Variants in JMY observed in about 807,000 individuals in gnomAD.
JMY encodes junction-mediating and -regulatory protein.
JMY carries 46 observed loss-of-function variants against 103.3 expected under a neutral mutation model. The observed-to-expected ratio is 0.45, with a 90% CI of 0.35 to 0.57. The LOEUF is 0.57. JMY is among the 20% of genes least tolerant of loss of function. JMY has a pLI of 0.00. For synonymous variants in JMY, 526 were observed against 489.3 expected (o/e 1.07, Z -0.99); for missense variants, 1,238 against 1,255.2 (o/e 0.99, Z 0.21).
intron 2 of JMY, among the ~76,000 whole-genome samples, chr5:79,288,370 G>A (rs984289111): frequency 1.3e-5 from 2 of 151,874 alleles, no homozygotes; most frequent in Non-Finnish European, 2.9e-5. Context: ...TTATGTACCC[G>A]TCAAAATCCT....
chr5:79,245,458 T>C (rs969777312), intron 1 of JMY, among the ~76,000 whole-genome samples: 1 of 151,594 alleles, frequency 6.6e-6, no homozygotes, highest in Non-Finnish European at 1.5e-5. Flanking sequence ...TCGGGAAAAA[T>C]CTGTATTTTT....
chr5:79,242,141 C>G (rs1744759930), intron 1 of JMY, among the ~76,000 whole-genome samples: 1 of 152,166 alleles, frequency 6.6e-6, no homozygotes, highest in African/African-American at 2.4e-5. Context: ...TCTAACTTCT[C>G]TTCTGTTGAA....
chr5:79,246,927 A>G (rs1744923310), intron 1 of JMY, among the ~76,000 whole-genome samples: 2 of 152,154 alleles, frequency 1.3e-5, no homozygotes, highest in Non-Finnish European at 2.9e-5. Context: ...AGTGCCTGGC[A>G]TCTAGTAAAC....
intron 1 of JMY, among the ~76,000 whole-genome samples, chr5:79,276,548 C>T (rs1194813799): frequency 6.6e-6 from 1 of 152,192 alleles, no homozygotes; most frequent in Non-Finnish European, 1.5e-5. Context: ...GCCTCAGCCT[C>T]CCATAGCTGG....
At chr5:79,278,954 A>T (rs1467460974) in intron 2 of JMY, among the ~76,000 whole-genome samples, 1 of 152,146 alleles carries the variant, frequency 6.6e-6, no homozygotes, top group Non-Finnish European at 1.5e-5. Flanking sequence ...TTTGTTTTAG[A>T]AGAACTTGTT....
Position 79,322,331 on chromosome 5 carries a change from T to A in JMY, c.*729T>A, listed in dbSNP as rs1381741907. The A allele has an allele frequency of 6.6e-6, 1 of 152,236 alleles. No individual in the cohort carries two copies. The highest frequency in any genetic ancestry group is 2.4e-5 in the African/African-American group (1 of 41,462). The allele number at this position is 152,236 out of a possible 1,614,324, so 9.4% of individuals were successfully genotyped here. ...TCACTCTTCATATTTCTTGAATTTA[T>A]AATAGTTTGAATTTTATGTGCATCC... On this transcript the variant is annotated 3_prime_UTR_variant, in exon 11 of 11. Coordinates refer to ENST00000396137, the MANE Select transcript of JMY (RefSeq NM_152405.5).
intron 1 of JMY, among the ~76,000 whole-genome samples, chr5:79,243,891 G>A (rs1158832216): frequency 6.6e-6 from 1 of 152,140 alleles, no homozygotes; most frequent in East Asian, 1.9e-4. Context: ...CATGGAGACT[G>A]GTAGCAGGAT....
At chr5:79,240,076 C>T (rs1019990583) in intron 1 of JMY, among the ~76,000 whole-genome samples, 5 of 150,892 alleles carry the variant, frequency 3.3e-5, no homozygotes, top group Admixed American at 2.6e-4. Context: ...AGTGTAGTGG[C>T]GCGATCTTGG....
rs766524644 is a variant in JMY, at chr5:79,324,765, C to G, written c.*3163C>G. ...CATTCCTTAATTCTTCATTGTGGAA[C>G]TGAAATATTTCTGTAATGCATTTTT... On this transcript the variant is annotated 3_prime_UTR_variant, in exon 11 of 11. Coordinates refer to ENST00000396137, the MANE Select transcript of JMY (RefSeq NM_152405.5). 2.0e-5 allele frequency: 3 copies of G among 152,366 alleles called. No homozygotes were observed. The highest frequency in any genetic ancestry group is 4.4e-5 in the Non-Finnish European group (3 of 68,026). 9.4% of individuals were successfully genotyped at this position (152,366 alleles called of 1,614,324 possible). A position where few individuals can be genotyped will look rare whatever the true frequency, so the allele number is the denominator to read the frequency against.
intron 1 of JMY, among the ~76,000 whole-genome samples, chr5:79,275,508 A>C (rs1745913033): frequency 6.6e-6 from 1 of 152,066 alleles, no homozygotes; most frequent in African/African-American, 2.4e-5. Context: ...TTTGGCATCC[A>C]CTGGGGCACA....
intron 1 of JMY, among the ~76,000 whole-genome samples, chr5:79,258,082 C>T (rs1270468577): frequency 6.6e-6 from 1 of 152,012 alleles, no homozygotes; most frequent in Non-Finnish European, 1.5e-5. Flanking sequence ...TTATACATAA[C>T]ATGTATGTAC....
intron 2 of JMY, among the ~76,000 whole-genome samples, chr5:79,287,268 C>A (rs976102736): frequency 3.9e-5 from 6 of 152,194 alleles, no homozygotes; most frequent in African/African-American, 1.4e-4. Flanking sequence ...CATATCTCCT[C>A]CCTCTTCCAA....
At position 79,323,998 on chromosome 5, in the gene JMY, T is replaced by G. The variant is rs1747548544; in HGVS notation, c.*2396T>G. On this transcript the variant is annotated 3_prime_UTR_variant, in exon 11 of 11. Transcript: ENST00000396137. ...CTATGCCCATCCTCTTGTAAATAAC[T>G]TTCCAACACACCCATTTCCTTGCCT... 1 of 152,216 alleles carries G rather than the reference T, an allele frequency of 6.6e-6. No individual in the cohort carries two copies. Among genetic ancestry groups the G allele is most frequent in the African/African-American group, 2.4e-5 (1 of 41,454 alleles). 9.4% of individuals were successfully genotyped at this position (152,216 alleles called of 1,614,324 possible).
Position 79,324,362 on chromosome 5 carries a change from T to C in JMY, c.*2760T>C, listed in dbSNP as rs1747562229. On this transcript the variant is annotated 3_prime_UTR_variant, in exon 11 of 11. Transcript: ENST00000396137. The stretch of plus-strand genomic sequence containing the variant: ...CGTACTTTTTATGTGCTTCAAAATA[T>C]TGGACACATTTCTGTTAATATATGA... 1 of 152,256 alleles carries C rather than the reference T, an allele frequency of 6.6e-6. No homozygotes were observed. The highest frequency in any genetic ancestry group is 6.5e-5 in the Admixed American group (1 of 15,292). The allele number at this position is 152,256 out of a possible 1,614,324, so 9.4% of individuals were successfully genotyped here.
At chr5:79,258,739 C>G (rs1745330991) in intron 1 of JMY, among the ~76,000 whole-genome samples, 1 of 152,174 alleles carries the variant, frequency 6.6e-6, no homozygotes, top group Admixed American at 6.5e-5. Flanking sequence ...AGCTTGGAGA[C>G]TCCAGGAACT....
intron 1 of JMY, among the ~76,000 whole-genome samples, chr5:79,237,922 G>A (rs1744576549): frequency 1.3e-5 from 2 of 152,004 alleles, no homozygotes; most frequent in African/African-American, 2.4e-5. Flanking sequence ...TAGTAAGTGC[G>A]CTCTGTGTAC....
At chr5:79,284,252 C>A (rs1358385091) in intron 2 of JMY, 3 of 1,524,992 alleles carry the variant, frequency 2.0e-6, no homozygotes, top group Non-Finnish European at 2.7e-6. Context: ...TGAGCTTTCC[C>A]AATTCAAACT....
chr5:79,311,595 T>C (rs1580371542), intron 7 of JMY, among the ~76,000 whole-genome samples: 2 of 152,320 alleles, frequency 1.3e-5, no homozygotes, highest in East Asian at 1.9e-4. Context: ...ACAACCCATT[T>C]ACCTATATAG....
rs71615518 is a variant in JMY, at chr5:79,255,128, C to CTTTTTTTTT, written c.1032+17454_1032+17455insTTTTTTTTT. On this transcript the variant is annotated intron_variant, in intron 1 of 10. Transcript: ENST00000396137. Reference sequence around the variant, plus strand: ...CTGAAAGGTCACATATCTCTCTCTCCTTTTTTTTGAGACAGGGTCTTGTAG... The same window carrying CTTTTTTTTT: ...CTGAAAGGTCACATATCTCTCTCTCCTTTTTTTTTTTTTTTTTGAGACAGGGTCTTGTAG... Among the ~76,000 whole-genome samples, 45 of 139,810 alleles carry CTTTTTTTTT rather than the reference C, an allele frequency of 3.2e-4. 3 individuals are homozygous for CTTTTTTTTT. Among genetic ancestry groups the CTTTTTTTTT allele is most frequent in the Admixed American group, 5.1e-4 (7 of 13,808 alleles). 91.7% of individuals were successfully genotyped at this position (139,810 alleles called of 152,430 possible).
Sources: allele counts gnomAD v4.1 joint callset (sites outside exome capture counted in the v4.1 genomes callset), GRCh38; gene constraint gnomAD v4.1.1; transcripts MANE v1.5; gene names NCBI Gene and HGNC (gene_info 2026-07-23, HGNC 2026-07-21).